The following GINS1 variants were observed in gnomAD, a reference collection of about 807,000 sequenced individuals.
GINS1 encodes the protein DNA replication complex GINS protein PSF1.
In GINS1, 26 loss-of-function variants were observed where a neutral mutation model predicts 34.9. The ratio of observed to expected loss-of-function variants is 0.74; its 90% confidence interval spans 0.55 to 1.03. The LOEUF (loss-of-function observed/expected upper bound fraction) is 1.03. Ranked by LOEUF, GINS1 falls within the 50% of genes least tolerant of loss-of-function variation. The pLI is 0.00. For missense variants in GINS1, 235 were observed against 237.9 expected (o/e 0.99, Z 0.08); for synonymous variants, 97 against 84.4 (o/e 1.15, Z -0.82).
intron 5 of GINS1, among the ~76,000 whole-genome samples, chr20:25,438,340 G>A (rs1397282119): frequency 6.6e-6 from 1 of 151,930 alleles, no homozygotes. Flanking sequence ...AAGGAAGGAA[G>A]GTGTCAAGGA....
At chr20:25,415,323 T>C (rs994308187) in intron 2 of GINS1, among the ~76,000 whole-genome samples, 1 of 152,226 alleles carries the variant, frequency 6.6e-6, no homozygotes, top group Non-Finnish European at 1.5e-5. Context: ...ATTGATTTAC[T>C]CAAATATGTA....
intron 5 of GINS1, among the ~76,000 whole-genome samples, chr20:25,436,244 T>G (rs991244477): frequency 2.0e-5 from 3 of 152,172 alleles, no homozygotes; most frequent in Non-Finnish European, 2.9e-5. Context: ...TGAGCCACCC[T>G]GCCCAGCCCT....
intron 2 of GINS1, among the ~76,000 whole-genome samples, chr20:25,416,020 A>C (rs1369866088): frequency 1.3e-5 from 2 of 152,178 alleles, no homozygotes; most frequent in African/African-American, 2.4e-5. Context: ...CTGACACTTA[A>C]AGAAGACCTA....
chr20:25,425,064 A>G lies in GINS1; in HGVS notation c.331-147A>G, dbSNP rs1206672642. On this transcript the variant is annotated intron_variant, in intron 4 of 6. Coordinates refer to ENST00000262460, the MANE Select transcript of GINS1 (RefSeq NM_021067.5). ...AAGTACCCAGACCAATGCCTATATC[A>G]TAGGAGGCAATTAATATTTTAGCAT... is the stretch of plus-strand genomic sequence containing the variant. 1.1e-5 allele frequency: 6 copies of G among 525,228 alleles called. No homozygotes were observed. The East Asian group carries it at 1.2e-4, about 10-fold the overall frequency. The allele number at this position is 525,228 out of a possible 1,614,324, so 32.5% of individuals were successfully genotyped here.
chr20:25,415,386 G>T (rs557415701), intron 2 of GINS1, among the ~76,000 whole-genome samples: 7 of 152,172 alleles, frequency 4.6e-5, no homozygotes, highest in Admixed American at 4.6e-4. Flanking sequence ...GTAAACAACA[G>T]TCAAGATGGC....
chr20:25,421,490 A>G (rs1568801593), intron 4 of GINS1, among the ~76,000 whole-genome samples: 1 of 152,234 alleles, frequency 6.6e-6, no homozygotes, highest in South Asian at 2.1e-4. Flanking sequence ...TTGTTTTCAA[A>G]GTAGTAACAT....
At chr20:25,441,068 G>A (rs2090479894) in intron 5 of GINS1, among the ~76,000 whole-genome samples, 1 of 152,156 alleles carries the variant, frequency 6.6e-6, no homozygotes, top group Non-Finnish European at 1.5e-5. Context: ...TCTCCTAGAA[G>A]AGGAAAAGTG....
At chr20:25,412,102 C>CA (rs1431981922) in intron 1 of GINS1, among the ~76,000 whole-genome samples, 6 of 151,938 alleles carry the variant, frequency 3.9e-5, no homozygotes, top group African/African-American at 1.5e-4. Context: ...AGTGAGACTT[C>CA]ATCTCAACAA....
In GINS1 at chr20:25,428,969, CTTTTTTT is replaced by C. The variant is rs77113924; in HGVS notation, c.447+3673_447+3679del. Among the ~76,000 whole-genome samples the C allele has an allele frequency of 3.0e-3, 381 of 127,338 alleles. 8 individuals are homozygous for C. The highest frequency in any genetic ancestry group is 9.4e-3 in the African/African-American group (324 of 34,510). The allele number at this position is 127,338 out of a possible 152,430, so 83.5% of individuals were successfully genotyped here. On this transcript the variant is annotated intron_variant, in intron 5 of 6. Coordinates refer to ENST00000262460, the MANE Select transcript of GINS1 (RefSeq NM_021067.5). ...GGGTCCTCCACCTTCATTCCTCTCTCTTTTTTTTTTTTTTTTTTTTTTTTTTTTTTTT... is the reference window on the plus strand; with the variant it reads ...GGGTCCTCCACCTTCATTCCTCTCTCTTTTTTTTTTTTTTTTTTTTTTTTT...
chr20:25,411,037 G>GGA (rs142936281), intron 1 of GINS1: 5,978 of 152,182 alleles, frequency 0.039, 191 homozygotes, highest in Non-Finnish European at 0.059. Flanking sequence ...CACCACTTTG[G>GGA]GAGGTCAAGG....
At chr20:25,422,729 A>G (rs967103842) in intron 4 of GINS1, among the ~76,000 whole-genome samples, 1 of 152,186 alleles carries the variant, frequency 6.6e-6, no homozygotes, top group Non-Finnish European at 1.5e-5. Context: ...TAAATGTAAT[A>G]TTTTTGAGAT....
At chr20:25,420,790 AAAAAAAG>A (rs2090350499) in intron 4 of GINS1, 4 of 868,762 alleles carry the variant, frequency 4.6e-6, no homozygotes, top group African/African-American at 1.8e-5. Context: ...TCAAAAAAAA[AAAAAAAG>A]AAAAAAAGAA....
intron 4 of GINS1, among the ~76,000 whole-genome samples, chr20:25,421,949 C>T (rs374588202): frequency 7.3e-5 from 11 of 151,640 alleles, no homozygotes; most frequent in Admixed American, 3.9e-4. Context: ...TTTCTTCATA[C>T]TTATCAATAC....
At chr20:25,445,626 C>T (rs2090507870) in intron 6 of GINS1, among the ~76,000 whole-genome samples, 3 of 152,138 alleles carry the variant, frequency 2.0e-5, no homozygotes, top group South Asian at 2.1e-4. Flanking sequence ...GGATTATAGG[C>T]GTGATCCACT....
chr20:25,412,624 A>G (rs2090293436), intron 1 of GINS1, among the ~76,000 whole-genome samples: 1 of 152,174 alleles, frequency 6.6e-6, no homozygotes, highest in South Asian at 2.1e-4. Flanking sequence ...ATGCTTCAGT[A>G]GGACGATTGA....
intron 5 of GINS1, among the ~76,000 whole-genome samples, chr20:25,438,734 C>T (rs1180214578): frequency 2.0e-5 from 3 of 151,990 alleles, no homozygotes; most frequent in African/African-American, 7.3e-5. Context: ...CAACCACACC[C>T]AGCTAATTTT....
chr20:25,435,676 A>C (rs536472721), intron 5 of GINS1, among the ~76,000 whole-genome samples: 67 of 149,260 alleles, frequency 4.5e-4, no homozygotes, highest in African/African-American at 1.6e-3. Flanking sequence ...GAGAATTGCG[A>C]ATTGCTTGAA....
At chr20:25,432,733 C>T (rs191411110) in intron 5 of GINS1, among the ~76,000 whole-genome samples, 32 of 152,060 alleles carry the variant, frequency 2.1e-4, no homozygotes, top group Admixed American at 5.9e-4. Flanking sequence ...TCCCAAAGTG[C>T]TGGGATTACA....
At chr20:25,426,455 T>G (rs944706955) in intron 5 of GINS1, among the ~76,000 whole-genome samples, 1 of 151,996 alleles carries the variant, frequency 6.6e-6, no homozygotes, top group African/African-American at 2.4e-5. Context: ...CTTGGGAGGC[T>G]GAGGCAGGAT....
Sources: gnomAD v4.1 joint callset for allele counts (sites outside exome capture counted in the v4.1 genomes callset) on GRCh38, gnomAD v4.1.1 for gene constraint, MANE v1.5 for transcripts, NCBI Gene and HGNC (gene_info 2026-07-23, HGNC 2026-07-21) for gene names.